ZNF407: variants seen among roughly 807,000 people sequenced by gnomAD.
The protein encoded by ZNF407 is zinc finger protein 407.
In ZNF407, 17 loss-of-function variants were observed where a neutral mutation model predicts 131.2. The ratio of observed to expected loss-of-function variants is 0.13; its 90% CI spans 0.09 to 0.19. ZNF407 has a LOEUF of 0.19. ZNF407 is among the 10% of genes least tolerant of loss of function. The probability of loss-of-function intolerance (pLI) is 1.00; values close to 1 mark genes in which losing one functional copy is unlikely to be tolerated. For synonymous variants in ZNF407, 1,156 were observed against 1,062.0 expected (o/e 1.09, Z -1.72); for missense variants, 2,681 against 2,830.6 (o/e 0.95, Z 1.20).
chr18:75,056,031 T>C (rs1973558292), intron 8 of ZNF407, among the ~76,000 whole-genome samples: 1 of 152,230 alleles, frequency 6.6e-6, no homozygotes, highest in African/African-American at 2.4e-5. Flanking sequence ...TGGCGAAGAC[T>C]TTATATACTG....
intron 3 of ZNF407, among the ~76,000 whole-genome samples, chr18:74,660,990 TC>T (rs1188818488): frequency 6.6e-6 from 1 of 152,170 alleles, no homozygotes; most frequent in Non-Finnish European, 1.5e-5. Flanking sequence ...CATGCTATTA[TC>T]TATTAAAAGC....
intron 7 of ZNF407, among the ~76,000 whole-genome samples, chr18:74,891,525 T>G (rs1423687522): frequency 6.6e-6 from 1 of 152,250 alleles, no homozygotes; most frequent in Non-Finnish European, 1.5e-5. Context: ...CATCATATAG[T>G]ACAGAGATAT....
At chr18:74,915,334 G>C (rs1971733856) in intron 7 of ZNF407, among the ~76,000 whole-genome samples, 1 of 149,690 alleles carries the variant, frequency 6.7e-6, no homozygotes, top group African/African-American at 2.5e-5. Context: ...GTGTGTGTGT[G>C]TGTGTGTGTG....
chr18:74,921,128 G>A (rs1971841271), intron 8 of ZNF407: 7 of 615,826 alleles, frequency 1.1e-5, no homozygotes, highest in Middle Eastern at 8.1e-4. Flanking sequence ...CTGCGACCAC[G>A]ACCACGGAGT....
At chr18:74,691,604 A>G (rs1189344045) in intron 3 of ZNF407, among the ~76,000 whole-genome samples, 2 of 151,896 alleles carry the variant, frequency 1.3e-5, no homozygotes. Flanking sequence ...TTAATTTGCT[A>G]TTCTTTTCCC....
chr18:74,778,947 A>G (rs546544499), intron 3 of ZNF407, among the ~76,000 whole-genome samples: 2 of 151,666 alleles, frequency 1.3e-5, no homozygotes, highest in African/African-American at 2.4e-5. Flanking sequence ...GATTATGTAT[A>G]TATATTTTTA....
chr18:74,607,449 A>G (rs1302381669), intron 1 of ZNF407, among the ~76,000 whole-genome samples: 1 of 151,952 alleles, frequency 6.6e-6, no homozygotes, highest in East Asian at 1.9e-4. Flanking sequence ...TTATGTTAGA[A>G]AAAAGAAATG....
intron 4 of ZNF407, among the ~76,000 whole-genome samples, chr18:74,810,113 T>G (rs769562657): frequency 6.6e-6 from 1 of 151,992 alleles, no homozygotes; most frequent in Non-Finnish European, 1.5e-5. Flanking sequence ...ATTGTAGAAG[T>G]GAAGGTAGAG....
At chr18:74,679,133 C>T (rs2144772687) in intron 3 of ZNF407, among the ~76,000 whole-genome samples, 1 of 152,328 alleles carries the variant, frequency 6.6e-6, no homozygotes, top group African/African-American at 2.4e-5. Context: ...GCAATGACCT[C>T]ATTAACTGAT....
At chr18:74,691,050 G>A (rs1967209550) in intron 3 of ZNF407, among the ~76,000 whole-genome samples, 1 of 151,876 alleles carries the variant, frequency 6.6e-6, no homozygotes, top group Admixed American at 6.6e-5. Flanking sequence ...AGGCTGAGGC[G>A]GGTGGATCAC....
At chr18:75,028,959 T>G (rs1330070121) in intron 8 of ZNF407, among the ~76,000 whole-genome samples, 1 of 152,206 alleles carries the variant, frequency 6.6e-6, no homozygotes, top group Non-Finnish European at 1.5e-5. Context: ...TTAGAATAGC[T>G]GAAAATCTGT....
chr18:74,672,286 ATT>A (rs1986170269), intron 3 of ZNF407, among the ~76,000 whole-genome samples: 1 of 152,066 alleles, frequency 6.6e-6, no homozygotes, highest in Admixed American at 6.5e-5. Flanking sequence ...TTTTATTTGC[ATT>A]TCTCTAATGA....
At chr18:74,895,800 G>A (rs1224621243) in intron 7 of ZNF407, among the ~76,000 whole-genome samples, 1 of 152,156 alleles carries the variant, frequency 6.6e-6, no homozygotes, top group African/African-American at 2.4e-5. Flanking sequence ...TCATTGTTCT[G>A]TTCTGCCACT....
At chr18:74,902,727 G>T (rs1203689023) in intron 7 of ZNF407, among the ~76,000 whole-genome samples, 2 of 152,034 alleles carry the variant, frequency 1.3e-5, no homozygotes, top group African/African-American at 2.4e-5. Context: ...TGCATTTTTC[G>T]ATTAATACTC....
chr18:74,846,875 T>C (rs1970710169), intron 4 of ZNF407, among the ~76,000 whole-genome samples: 1 of 151,046 alleles, frequency 6.6e-6, no homozygotes, highest in African/African-American at 2.4e-5. Flanking sequence ...ACACCTGTAA[T>C]CCCAGCTACT....
chr18:74,794,956 G>A (rs565944583), intron 4 of ZNF407, among the ~76,000 whole-genome samples: 2 of 152,184 alleles, frequency 1.3e-5, no homozygotes, highest in East Asian at 3.9e-4. Context: ...ATAGATAAGT[G>A]AATATATTTG....
intron 3 of ZNF407, among the ~76,000 whole-genome samples, chr18:74,713,207 C>T (rs1475568266): frequency 6.6e-6 from 1 of 152,090 alleles, no homozygotes; most frequent in Non-Finnish European, 1.5e-5. Context: ...GAAAGGAACA[C>T]ACCAGGGGTT....
At chr18:74,849,833 A>ACT (rs1471509498) in intron 4 of ZNF407, among the ~76,000 whole-genome samples, 24 of 152,354 alleles carry the variant, frequency 1.6e-4, no homozygotes, top group Admixed American at 8.5e-4. Flanking sequence ...AATATTGAAA[A>ACT]GTTGGCTGTG....
At chr18:74,773,456 TAGAG>T (rs1969403247) in intron 3 of ZNF407, among the ~76,000 whole-genome samples, 2 of 144,666 alleles carry the variant, frequency 1.4e-5, no homozygotes, top group Admixed American at 1.3e-4. Flanking sequence ...GCCAAGTTAT[TAGAG>T]AGCTTAAAGA....
Sources: allele counts gnomAD v4.1 joint callset (sites outside exome capture counted in the v4.1 genomes callset), GRCh38; gene constraint gnomAD v4.1.1; transcripts MANE v1.5; gene names NCBI Gene and HGNC (gene_info 2026-07-23, HGNC 2026-07-21).